PSD3: variants seen among roughly 807,000 people sequenced by gnomAD.
PSD3 encodes PH and SEC7 domain-containing protein 3.
Under a neutral mutation model 105.5 loss-of-function variants are expected in PSD3, and 49 were observed. The ratio of observed to expected loss-of-function variants is 0.46; its 90% CI spans 0.37 to 0.59. The LOEUF is 0.59. Among genes scored for constraint, PSD3 ranks in the 20% least tolerant of loss-of-function variants. The pLI is 0.00. For missense variants in PSD3, 1,561 were observed against 1,263.8 expected (o/e 1.24, Z -3.57); for synonymous variants, 557 against 457.8 (o/e 1.22, Z -2.77).
chr8:18,977,276 A>AAT (rs1282404923), intron 1 of PSD3, among the ~76,000 whole-genome samples: 11 of 151,518 alleles, frequency 7.3e-5, no homozygotes, highest in Non-Finnish European at 1.6e-4. Flanking sequence ...AAAAAAAAAA[A>AAT]AAAATTGGGT....
At chr8:18,900,910 A>G (rs1438082242) in intron 2 of PSD3, among the ~76,000 whole-genome samples, 2 of 152,186 alleles carry the variant, frequency 1.3e-5, no homozygotes, top group East Asian at 3.9e-4. Flanking sequence ...TCATTGCAAT[A>G]GCAACAACAG....
intron 2 of PSD3, among the ~76,000 whole-genome samples, chr8:18,902,535 A>T (rs1245833823): frequency 6.6e-6 from 1 of 152,020 alleles, no homozygotes; most frequent in Non-Finnish European, 1.5e-5. Context: ...ATGTTTCTTT[A>T]GTGGTGTCAT....
intron 4 of PSD3, among the ~76,000 whole-genome samples, chr8:18,840,211 C>G (rs376321626): frequency 5.3e-5 from 8 of 152,152 alleles, no homozygotes; most frequent in South Asian, 2.1e-4. Flanking sequence ...ATGTCCCCCC[C>G]ACATCATTCT....
intron 1 of PSD3, among the ~76,000 whole-genome samples, chr8:18,946,815 G>A (rs1296861041): frequency 6.6e-6 from 1 of 151,318 alleles, no homozygotes; most frequent in Non-Finnish European, 1.5e-5. Flanking sequence ...TGGGACAGGA[G>A]AATTGCTTGA....
In PSD3 at chr8:18,868,025, A is replaced by T. The variant is rs765254741; in HGVS notation, c.1283T>A (p.Ile428Asn). 2 of 1,613,528 alleles carry T rather than the reference A, an allele frequency of 1.2e-6. No individual in the cohort carries two copies. Among genetic ancestry groups the T allele is most frequent in the Non-Finnish European group, 1.7e-6 (2 of 1,179,858 alleles). Residue 428 changes from isoleucine (I) to asparagine (N), a missense_variant, in exon 4 of 16, where the codon ATC (isoleucine) becomes AAC (asparagine). Ile to Asn is a moderately radical substitution (Grantham distance 149, BLOSUM62 -3). Transcript: ENST00000327040. Reference sequence around the variant, plus strand: ...GTCCTCCGTATATCCAGGCCCAAGGATGTCTTCATCTTCCCCCTTAACGTG... The same window carrying T: ...GTCCTCCGTATATCCAGGCCCAAGGTTGTCTTCATCTTCCCCCTTAACGTG... ...EEHVKGEDED[I>N]LGPGYTEDST...
intron 10 of PSD3, among the ~76,000 whole-genome samples, chr8:18,639,576 A>G (rs1294567205): frequency 6.6e-6 from 1 of 152,192 alleles, no homozygotes; most frequent in Non-Finnish European, 1.5e-5. Flanking sequence ...TATTAAAGAA[A>G]GAAATCTGGA....
chr8:18,671,639 G>GTT (rs113161494), intron 9 of PSD3, among the ~76,000 whole-genome samples: 1,476 of 145,506 alleles, frequency 0.01, 22 homozygotes, highest in African/African-American at 0.034. Flanking sequence ...TTTGTTTTTT[G>GTT]TTTTTTTTTT....
chr8:19,033,858 A>G (rs543642433), intron 1 of PSD3, among the ~76,000 whole-genome samples: 2 of 152,104 alleles, frequency 1.3e-5, no homozygotes, highest in Non-Finnish European at 2.9e-5. Context: ...GTCATCATAC[A>G]ATGTTGTTAA....
At position 18,556,258 on chromosome 8, in the gene PSD3, G is replaced by C. The variant is rs1801066540; in HGVS notation, c.2879C>G (p.Ala960Gly). The C allele has an allele frequency of 6.2e-7, 1 of 1,613,938 alleles. No individual in the cohort carries two copies. The highest frequency in any genetic ancestry group is 8.5e-7 in the Non-Finnish European group (1 of 1,179,982). The change falls in exon 15 of 16, where the codon GCC becomes GGC. Residue 960 changes from alanine (A) to glycine (G), a missense_variant. Physicochemically the swap from Ala to Gly is moderately conservative, Grantham distance 60. Coordinates refer to ENST00000327040, the MANE Select transcript of PSD3 (RefSeq NM_015310.4). ...CAGTTTGTACTCATCGACGTCCTTG[G>C]CTTTGACCTTCTTGTCGGGGGGATA... is the stretch of plus-strand genomic sequence containing the variant. The part of the protein sequence containing the change: ...RSYPPDKKVK[A>G]KDVDEYKLKD...
At chr8:18,769,518 A>C (rs1807311810) in intron 8 of PSD3, among the ~76,000 whole-genome samples, 1 of 152,144 alleles carries the variant, frequency 6.6e-6, no homozygotes. Flanking sequence ...TATTCTTTCG[A>C]ACCATATAAT....
At chr8:18,978,600 T>A (rs1825080338) in intron 1 of PSD3, among the ~76,000 whole-genome samples, 1 of 152,144 alleles carries the variant, frequency 6.6e-6, no homozygotes, top group South Asian at 2.1e-4. Flanking sequence ...ACAGACACAG[T>A]AACCTCAACA....
intron 14 of PSD3, chr8:18,557,455 T>C (rs753855273): frequency 1.3e-5 from 2 of 154,014 alleles, no homozygotes; most frequent in African/African-American, 4.8e-5. Context: ...GAGCGTCACA[T>C]ATAATATCTT....
intron 2 of PSD3, among the ~76,000 whole-genome samples, chr8:18,907,366 G>T (rs1352825860): frequency 1.3e-5 from 2 of 152,130 alleles, no homozygotes; most frequent in African/African-American, 2.4e-5. Flanking sequence ...AGAGATGGGG[G>T]TCTCGCTGTG....
chr8:18,958,998 G>A (rs984650740), intron 1 of PSD3, among the ~76,000 whole-genome samples: 1 of 150,852 alleles, frequency 6.6e-6, no homozygotes, highest in Non-Finnish European at 1.5e-5. Flanking sequence ...TTGGCTCACT[G>A]CAACCTGCAC....
intron 2 of PSD3, among the ~76,000 whole-genome samples, chr8:18,895,735 G>C (rs191086174): frequency 3.0e-4 from 46 of 152,282 alleles, no homozygotes; most frequent in Non-Finnish European, 5.0e-4. Flanking sequence ...CATATATGAT[G>C]TGATATGATC....
chr8:18,850,958 A>T (rs75736322), intron 4 of PSD3, among the ~76,000 whole-genome samples: 1 of 152,144 alleles, frequency 6.6e-6, no homozygotes, highest in Non-Finnish European at 1.5e-5. Context: ...TACCAGGAGC[A>T]TTCAAGAACA....
intron 8 of PSD3, among the ~76,000 whole-genome samples, chr8:18,778,880 G>C (rs184797926): frequency 6.6e-6 from 1 of 152,044 alleles, no homozygotes; most frequent in African/African-American, 2.4e-5. Flanking sequence ...GAGGAATTTT[G>C]CATCTAAGTT....
chr8:18,807,358 C>G (rs1044613338), intron 4 of PSD3, among the ~76,000 whole-genome samples: 2 of 152,160 alleles, frequency 1.3e-5, no homozygotes, highest in African/African-American at 4.8e-5. Flanking sequence ...CTTAGCAACT[C>G]TTCTCCAAGC....
intron 4 of PSD3, among the ~76,000 whole-genome samples, chr8:18,817,777 G>C (rs1023945780): frequency 1.3e-5 from 2 of 152,206 alleles, no homozygotes; most frequent in Non-Finnish European, 2.9e-5. Flanking sequence ...CTATGTTGCA[G>C]ATCTTTTAAT....
Sources: allele counts gnomAD v4.1 joint callset (sites outside exome capture counted in the v4.1 genomes callset), GRCh38; gene constraint gnomAD v4.1.1; transcripts MANE v1.5; gene names NCBI Gene and HGNC (gene_info 2026-07-23, HGNC 2026-07-21).